PRKD1: variants seen among roughly 807,000 people sequenced by gnomAD.
The protein encoded by PRKD1 is serine/threonine-protein kinase D1.
In PRKD1, 63 loss-of-function variants were observed where a neutral mutation model predicts 95.9. The observed-to-expected ratio is 0.66, with a 90% CI of 0.54 to 0.81. The LOEUF (loss-of-function observed/expected upper bound fraction) is 0.81, where lower values mean the gene tolerates loss of function less well. Among genes scored for constraint, PRKD1 ranks in the 30% least tolerant of loss-of-function variants. The pLI, the probability that PRKD1 is intolerant of heterozygous loss-of-function variation, is 0.00. For missense variants in PRKD1, 1,048 were observed against 1,165.3 expected, an observed-to-expected ratio of 0.90 and a Z score of 1.47; for synonymous variants, 425 against 423.1, an observed-to-expected ratio of 1.00 and a Z score of -0.05.
intron 9 of PRKD1, 108 bp from the exon 10 acceptor site, chr14:29,631,129 T>C: frequency 9.4e-7 from 1 of 1,062,624 alleles, no homozygotes. Flanking sequence ...TAGCCACCAT[T>C]TAAATAAAAT....
intron 1 of PRKD1, among the ~76,000 whole-genome samples, chr14:29,781,592 G>C (rs1022504865): frequency 1.3e-5 from 2 of 152,210 alleles, no homozygotes; most frequent in Non-Finnish European, 2.9e-5. Flanking sequence ...AAGAAGACTG[G>C]AAAGACGTTT....
Position 29,634,499 on chromosome 14 carries a change from C to A in PRKD1, c.1233G>T (p.Gln411His). 1 of 1,614,072 alleles carries A rather than the reference C, an allele frequency of 6.2e-7. No homozygotes were observed. The highest frequency in any genetic ancestry group is 8.5e-7 in the Non-Finnish European group (1 of 1,179,962). ...SNNIPLMRVV[Q>H]SVKHTKRKSS... The stretch of plus-strand genomic sequence containing the variant: ...TTTTCCTCTTCGTGTGTTTGACAGA[C>A]TGCACTACCCTCATGAGTGGGATAT... Residue 411 changes from glutamine (Q) to histidine (H), a missense_variant, in exon 8 of 18, where the codon CAG (glutamine) becomes CAT (histidine). Coordinates refer to ENST00000331968, the MANE Select transcript of PRKD1 (RefSeq NM_002742.3).
At chr14:29,822,537 C>T (rs952243225) in intron 1 of PRKD1, among the ~76,000 whole-genome samples, 15 of 152,106 alleles carry the variant, frequency 9.9e-5, no homozygotes, top group African/African-American at 3.6e-4. Context: ...TATTTTGAAC[C>T]TCCTGTAAGA....
chr14:29,622,538 G>T (rs1032822289), intron 13 of PRKD1, among the ~76,000 whole-genome samples: 1 of 151,860 alleles, frequency 6.6e-6, no homozygotes, highest in Non-Finnish European at 1.5e-5. Flanking sequence ...GAGTAGCCGG[G>T]ACTACAGGCA....
At chr14:29,911,053 T>C (rs181245529) in intron 1 of PRKD1, among the ~76,000 whole-genome samples, 2 of 152,304 alleles carry the variant, frequency 1.3e-5, no homozygotes, top group African/African-American at 2.4e-5. Context: ...CTTTTGTGCA[T>C]ACTATATACA....
chr14:29,624,013 C>CTT, intron 13 of PRKD1, 139 bp downstream of exon 13: 1 of 537,686 alleles, frequency 1.9e-6, no homozygotes, highest in South Asian at 3.5e-5. Context: ...AGTTCTGATA[C>CTT]TTGATCTGCC....
chr14:29,838,751 T>C (rs1048913386), intron 1 of PRKD1, among the ~76,000 whole-genome samples: 64 of 152,314 alleles, frequency 4.2e-4, no homozygotes, highest in African/African-American at 1.5e-3. Flanking sequence ...TAAGAAACTA[T>C]GCATAAATTT....
intron 2 of PRKD1, among the ~76,000 whole-genome samples, chr14:29,673,859 T>C (rs1389941801): frequency 6.6e-6 from 1 of 152,200 alleles, no homozygotes; most frequent in African/African-American, 2.4e-5. Context: ...ATAGTGTCAG[T>C]AGTGATAAAA....
chr14:29,777,551 C>G (rs567322947), intron 1 of PRKD1, among the ~76,000 whole-genome samples: 2 of 152,152 alleles, frequency 1.3e-5, no homozygotes, highest in African/African-American at 4.8e-5. Flanking sequence ...CAAAGAAGGT[C>G]ATTACATAAT....
chr14:29,709,478 G>T (rs1885241504), intron 2 of PRKD1, among the ~76,000 whole-genome samples: 1 of 152,162 alleles, frequency 6.6e-6, no homozygotes, highest in Non-Finnish European at 1.5e-5. Flanking sequence ...TGTTCAGGGG[G>T]ACGGTTGTTA....
At position 29,663,695 on chromosome 14, in the gene PRKD1, A is replaced by T. The variant is rs2139211468; in HGVS notation, c.696+4T>A. 6.2e-7 allele frequency: 1 copy of T among 1,613,404 alleles called. No homozygotes were observed. The highest frequency in any genetic ancestry group is 1.7e-4 in the Middle Eastern group (1 of 6,056). On this transcript the variant is annotated splice_donor_region_variant and intron_variant, in intron 4 of 17. Transcript: ENST00000331968. ...TGGGGAAGTGGGTAAACAGGAAGCC[A>T]TACCAGAAGGGGCTCATCAGGGGCA...
chr14:29,593,971 ATAGTG>A (rs1893214645), intron 16 of PRKD1: 1 of 319,850 alleles, frequency 3.1e-6, no homozygotes, highest in African/African-American at 2.2e-5. Context: ...ACAACAATGT[ATAGTG>A]TAAAGAATGG....
rs574963421 is a variant in PRKD1, at chr14:29,813,847, G to A, written c.265-88173C>T. On this transcript the variant is annotated intron_variant, in intron 1 of 17. Coordinates refer to ENST00000331968, the MANE Select transcript of PRKD1 (RefSeq NM_002742.3). Reference sequence around the variant, plus strand: ...ATAGCCAAGATCAACCCACCTTTTGGTTCCAGCCAGGACTCTGCAGAGACC... The same window carrying A: ...ATAGCCAAGATCAACCCACCTTTTGATTCCAGCCAGGACTCTGCAGAGACC... Among the ~76,000 whole-genome samples the A allele has an allele frequency of 3.3e-5, 5 of 152,198 alleles. No homozygotes were observed. The South Asian group carries it at 1.0e-3, about 32-fold the overall frequency.
chr14:29,775,327 G>A (rs188846298), intron 1 of PRKD1, among the ~76,000 whole-genome samples: 2 of 152,330 alleles, frequency 1.3e-5, no homozygotes, highest in African/African-American at 2.4e-5. Context: ...CCCACCGAAT[G>A]AGAGTCGAAG....
chr14:29,821,856 G>A (rs1890924481), intron 1 of PRKD1, among the ~76,000 whole-genome samples: 1 of 151,944 alleles, frequency 6.6e-6, no homozygotes, highest in East Asian at 1.9e-4. Context: ...CTGAGACCAT[G>A]TGTGCCTGCA....
chr14:29,611,421 G>A (rs890250842), intron 13 of PRKD1, among the ~76,000 whole-genome samples: 4 of 151,674 alleles, frequency 2.6e-5, no homozygotes, highest in African/African-American at 9.7e-5. Context: ...GGAATCATTG[G>A]CATTAATGCT....
chr14:29,742,925 C>T (rs1409730324), intron 1 of PRKD1, among the ~76,000 whole-genome samples: 4 of 152,178 alleles, frequency 2.6e-5, no homozygotes, highest in Non-Finnish European at 5.9e-5. Context: ...AAAGAGCCCT[C>T]ACCCCCATGA....
At chr14:29,641,000 C>A (rs1479506042) in intron 4 of PRKD1, among the ~76,000 whole-genome samples, 1 of 152,130 alleles carries the variant, frequency 6.6e-6, no homozygotes, top group Non-Finnish European at 1.5e-5. Flanking sequence ...CAAACACTGC[C>A]ATAAACTACA....
intron 1 of PRKD1, among the ~76,000 whole-genome samples, chr14:29,777,152 C>T (rs960103981): frequency 7.9e-5 from 12 of 152,130 alleles, no homozygotes; most frequent in African/African-American, 2.9e-4. Context: ...AAGCACTAAA[C>T]ATGGAAAGGA....
Sources: allele counts gnomAD v4.1 joint callset (sites outside exome capture counted in the v4.1 genomes callset), GRCh38; gene constraint gnomAD v4.1.1; transcripts MANE v1.5; gene names NCBI Gene and HGNC (gene_info 2026-07-23, HGNC 2026-07-21).